Variants in SYNE2 observed in about 807,000 individuals in gnomAD.
SYNE2 encodes the protein spectrin repeat containing nuclear envelope protein 2, also known as nesprin-2.
Under a neutral mutation model 856.3 loss-of-function variants are expected in SYNE2, and 431 were observed. The observed-to-expected ratio is 0.50, with a 90% CI of 0.47 to 0.55. SYNE2 has a LOEUF of 0.55. Ranked by LOEUF, SYNE2 falls within the 20% of genes least tolerant of loss-of-function variation. The pLI, the probability that SYNE2 is intolerant of heterozygous loss-of-function variation, is 0.00. For missense variants in SYNE2, 8,129 were observed against 8,023.2 expected (o/e 1.01, Z -0.50); for synonymous variants, 2,923 against 2,872.3 (o/e 1.02, Z -0.56).
At chr14:64,186,305 C>T (rs1441776479) in intron 96 of SYNE2, 119 bp from the exon 97 acceptor site, 30 of 1,331,194 alleles carry the variant, frequency 2.3e-5, no homozygotes, top group Non-Finnish European at 3.1e-5. Context: ...TCAGAAGGTC[C>T]CTCCCTCTCT....
chr14:63,967,242 G>A (rs2096405924), intron 10 of SYNE2, among the ~76,000 whole-genome samples: 1 of 152,200 alleles, frequency 6.6e-6, no homozygotes, highest in Admixed American at 6.5e-5. Context: ...TGAAGGCAAA[G>A]TGTTTCTCAA....
intron 57 of SYNE2, chr14:64,087,379 T>G (rs537987346): frequency 3.5e-6 from 2 of 567,970 alleles, no homozygotes; most frequent in South Asian, 1.4e-5. Context: ...GGGCTTATTA[T>G]GTATAATAAA....
chr14:64,027,248 C>G (rs1264159041), intron 42 of SYNE2, among the ~76,000 whole-genome samples: 1 of 152,118 alleles, frequency 6.6e-6, no homozygotes, highest in East Asian at 1.9e-4. Context: ...TAAATATTCT[C>G]TGGTCAAATT....
Position 63,922,490 on chromosome 14 carries a change from C to T in SYNE2, c.79+13263C>T, listed in dbSNP as rs922648779. 3.3e-5 allele frequency among the ~76,000 whole-genome samples: 5 copies of T among 152,246 alleles called. No individual in the cohort carries two copies. In the East Asian group the frequency reaches 7.7e-4, roughly 23 times the overall value. On this transcript the variant is annotated intron_variant, in intron 2 of 115. Transcript: ENST00000555002. ...GCTTCAGCAAGCCGTCTGAGCCCCT[C>T]CAAGTGTTTCTTAAGATAGCCATGT...
chr14:63,812,177 G>A (rs192602859), intron 1 of SYNE2, among the ~76,000 whole-genome samples: 1 of 152,204 alleles, frequency 6.6e-6, no homozygotes, highest in East Asian at 1.9e-4. Context: ...TCCCAGAGCG[G>A]CCGTTTATAG....
intron 1 of SYNE2, among the ~76,000 whole-genome samples, chr14:63,843,986 A>T (rs2139937101): frequency 6.6e-6 from 1 of 152,314 alleles, no homozygotes; most frequent in African/African-American, 2.4e-5. Context: ...CGCTATCAGC[A>T]TCCGGCACCA....
In SYNE2 at chr14:63,986,452, G is replaced by T. The variant is rs534897971; in HGVS notation, c.2152-4G>T. ...TTTCTCAGTGGTACTTTTGAATGTT[G>T]TAGGCTGGAGAGAAACATGAAAAAG... On this transcript the variant is annotated splice_region_variant and splice_polypyrimidine_tract_variant and intron_variant, in intron 18 of 115. Coordinates refer to ENST00000555002, the MANE Select transcript of SYNE2 (RefSeq NM_182914.3). 3.1e-6 allele frequency: 5 copies of T among 1,613,948 alleles called. No homozygotes were observed. The East Asian group carries it at 8.9e-5, about 29-fold the overall frequency.
intron 45 of SYNE2, among the ~76,000 whole-genome samples, chr14:64,038,939 C>G (rs1252019525): frequency 6.6e-6 from 1 of 152,128 alleles, no homozygotes; most frequent in East Asian, 1.9e-4. Context: ...CAGAAGCTGA[C>G]TGGGGCACGG....
At chr14:64,107,290 A>G (rs1338462611) in intron 64 of SYNE2, among the ~76,000 whole-genome samples, 1 of 152,230 alleles carries the variant, frequency 6.6e-6, no homozygotes, top group Non-Finnish European at 1.5e-5. Context: ...AGTGTGGAGA[A>G]TGCAAGTCTT....
chr14:64,138,634 A>G (rs1296385155), intron 79 of SYNE2, among the ~76,000 whole-genome samples: 1 of 151,820 alleles, frequency 6.6e-6, no homozygotes, highest in Non-Finnish European at 1.5e-5. Flanking sequence ...TTAAAATTAA[A>G]AAAATTAAAT....
intron 1 of SYNE2, among the ~76,000 whole-genome samples, chr14:63,820,187 C>T (rs1889160344): frequency 1.3e-5 from 2 of 151,936 alleles, no homozygotes; most frequent in Non-Finnish European, 1.5e-5. Context: ...AGATTCATTA[C>T]AAATTCATGG....
chr14:64,031,820 G>A (rs1422979475), intron 45 of SYNE2, among the ~76,000 whole-genome samples: 1 of 152,150 alleles, frequency 6.6e-6, no homozygotes, highest in Non-Finnish European at 1.5e-5. Context: ...TTTAGTGTGA[G>A]GATAGCAACA....
At chr14:63,890,579 C>G (rs116230442) in intron 1 of SYNE2, among the ~76,000 whole-genome samples, 2,299 of 152,158 alleles carry the variant, frequency 0.015, 51 homozygotes, top group African/African-American at 0.052. Context: ...GGGAGGGAGA[C>G]AGGAGGGCAG....
intron 31 of SYNE2, among the ~76,000 whole-genome samples, chr14:64,009,686 C>T (rs1184685005): frequency 2.0e-5 from 3 of 151,988 alleles, no homozygotes; most frequent in Non-Finnish European, 2.9e-5. Context: ...GATGCTGATT[C>T]CTTAGGGTGA....
At chr14:63,904,104 T>G (rs2095375354) in intron 1 of SYNE2, among the ~76,000 whole-genome samples, 1 of 152,202 alleles carries the variant, frequency 6.6e-6, no homozygotes, top group Non-Finnish European at 1.5e-5. Context: ...TTAATTCGCT[T>G]AGGATTATGG....
At chr14:64,006,997 A>G (rs1207787316) in intron 30 of SYNE2, 46 bp from the exon 31 acceptor site, 11 of 1,481,210 alleles carry the variant, frequency 7.4e-6, no homozygotes, top group African/African-American at 1.4e-5. Flanking sequence ...TGTTGAATCA[A>G]TGGTTAACAG....
chr14:63,949,300 T>C (rs1269556427), intron 6 of SYNE2, among the ~76,000 whole-genome samples: 1 of 152,202 alleles, frequency 6.6e-6, no homozygotes. Flanking sequence ...ATAAAAGCTA[T>C]TCTTTTGCTG....
intron 39 of SYNE2, 120 bp downstream of exon 39, chr14:64,024,579 G>C (rs1358398730): frequency 3.1e-6 from 3 of 981,036 alleles, no homozygotes; most frequent in South Asian, 1.5e-5. Context: ...CACAAAAGGC[G>C]TACTTTTCAA....
At chr14:64,028,632 T>C (rs542571597) in intron 43 of SYNE2, among the ~76,000 whole-genome samples, 1 of 152,266 alleles carries the variant, frequency 6.6e-6, no homozygotes, top group East Asian at 1.9e-4. Context: ...GCTATTGTAT[T>C]ATTTGATGAT....
Sources: allele counts gnomAD v4.1 joint callset (sites outside exome capture counted in the v4.1 genomes callset), GRCh38; gene constraint gnomAD v4.1.1; transcripts MANE v1.5; gene names NCBI Gene and HGNC (gene_info 2026-07-23, HGNC 2026-07-21).